The following WSB2 variants were observed in gnomAD, a reference collection of about 807,000 sequenced individuals.
WSB2 encodes the protein WD repeat and SOCS box-containing protein 2.
A neutral mutation model predicts 48.8 loss-of-function variants in WSB2; 12 were observed. That is an observed-to-expected ratio of 0.25 (90% confidence interval 0.16 to 0.40). The LOEUF (loss-of-function observed/expected upper bound fraction) is 0.40. Ranked by LOEUF, WSB2 falls within the 10% of genes least tolerant of loss-of-function variation. The probability of loss-of-function intolerance (pLI) is 1.00; values close to 1 mark genes in which losing one functional copy is unlikely to be tolerated. For missense variants in WSB2, 317 were observed against 506.2 expected (o/e 0.63, Z 3.59); for synonymous variants, 191 against 203.1 (o/e 0.94, Z 0.51).
intron 2 of WSB2, among the ~76,000 whole-genome samples, chr12:118,046,585 G>A (rs980377828): frequency 2.0e-5 from 3 of 152,004 alleles, no homozygotes; most frequent in East Asian, 3.8e-4. Context: ...ATGTCACTTC[G>A]ATCGGCTGCC....
Position 118,034,114 on chromosome 12 carries a change from A to C in WSB2, c.*82T>G. Reference sequence around the variant, plus strand: ...AGAAATGCTATTTCAATGCAAGACCAGATGTTTGGCCCATTATTCCAGCAA... The same window carrying C: ...AGAAATGCTATTTCAATGCAAGACCCGATGTTTGGCCCATTATTCCAGCAA... On this transcript the variant is annotated 3_prime_UTR_variant, in exon 9 of 9. Coordinates refer to ENST00000315436, the MANE Select transcript of WSB2 (RefSeq NM_018639.5). The C allele has an allele frequency of 6.4e-7, 1 of 1,552,072 alleles. No individual in the cohort carries two copies. Among genetic ancestry groups the C allele is most frequent in the East Asian group, 2.3e-5 (1 of 44,380 alleles).
In WSB2 at chr12:118,042,477, CAG is replaced by C. The variant is rs374370160; in HGVS notation, c.559+362_559+363del. 326 of 197,118 alleles carry C rather than the reference CAG, an allele frequency of 1.7e-3. 2 individuals are homozygous for C. Among genetic ancestry groups the C allele is most frequent in the African/African-American group, 6.8e-3 (288 of 42,240 alleles). The allele number at this position is 197,118 out of a possible 1,614,324, so 12.2% of individuals were successfully genotyped here. On this transcript the variant is annotated intron_variant, in intron 4 of 8. Coordinates refer to ENST00000315436, the MANE Select transcript of WSB2 (RefSeq NM_018639.5). ...CCTGTTCTAGATCAAATATTTTTAA[CAG>C]GGGCAATTCACCCCAAGAGGGTACA... is the stretch of plus-strand genomic sequence containing the variant.
intron 7 of WSB2, 41 bp from the exon 8 acceptor site, chr12:118,035,134 G>A (rs747772831): frequency 1.2e-6 from 2 of 1,613,050 alleles, no homozygotes; most frequent in Admixed American, 3.3e-5. Context: ...AGCTGACCCA[G>A]GGCCAGACCA....
upstream of WSB2, chr12:118,061,266 G>C: frequency 8.3e-6 from 7 of 846,684 alleles, no homozygotes; most frequent in South Asian, 5.3e-5. Flanking sequence ...GGATAAAAAC[G>C]GTGGGGGGCA....
chr12:118,043,318 C>G lies in WSB2; in HGVS notation c.242G>C (p.Gly81Ala), dbSNP rs1467073229. The change falls in exon 3 of 9, where the codon GGC (glycine) becomes GCC (alanine). Residue 81 changes from glycine (G) to alanine (A), a missense_variant. By Grantham distance (60) the Gly-to-Ala change is moderately conservative. Around this residue, in one of 2 missense-constraint regions of WSB2, gnomAD observed 128 missense variants for 156.7 expected, o/e 0.82. Transcript: ENST00000315436. ...RSSKNETKGR[G>A]SPKEKTLDCG... ...GTCCAGCGTCTTCTCTTTTGGGCTG[C>G]CCCGCCCTTTCGTCTCATTTTTGCT... 6.2e-7 allele frequency: 1 copy of G among 1,605,502 alleles called. No homozygotes were observed. Among genetic ancestry groups the G allele is most frequent in the Admixed American group, 1.7e-5 (1 of 58,340 alleles).
rs10558297 is a variant in WSB2 at position 118,032,696 on chromosome 12, C to CTATT, written c.*1496_*1499dup. ...CCAGCACCACACTAAGTTTTTTTGGCTATTTATTTATTTATTTTTTAAATA... is the reference window on the plus strand; with the variant it reads ...CCAGCACCACACTAAGTTTTTTTGGCTATTTATTTATTTATTTATTTTTTAAATA... On this transcript the variant is annotated 3_prime_UTR_variant, in exon 9 of 9. Coordinates refer to ENST00000315436, the MANE Select transcript of WSB2 (RefSeq NM_018639.5). 1 of 151,688 alleles carries CTATT rather than the reference C, an allele frequency of 6.6e-6. No individual in the cohort carries two copies. Among genetic ancestry groups the CTATT allele is most frequent in the African/African-American group, 2.4e-5 (1 of 41,166 alleles). 9.4% of individuals were successfully genotyped at this position (151,688 alleles called of 1,614,324 possible).
At chr12:118,038,580 A>G (rs1365138787) in intron 4 of WSB2, among the ~76,000 whole-genome samples, 192 bp from the exon 5 acceptor site, 2 of 152,212 alleles carry the variant, frequency 1.3e-5, no homozygotes, top group African/African-American at 2.4e-5. Flanking sequence ...CCTGTAATCT[A>G]TGAATATGAT....
chr12:118,038,152 G>T (rs894459687), intron 5 of WSB2, 136 bp downstream of exon 5: 3 of 677,178 alleles, frequency 4.4e-6, no homozygotes, highest in Non-Finnish European at 7.0e-6. Context: ...ACTTTTGCAG[G>T]TGGTGGCCAT....
chr12:118,061,014 G>T (rs1457771346), intron 1 of WSB2, 22 bp downstream of exon 1: 1 of 975,894 alleles, frequency 1.0e-6, no homozygotes, highest in Non-Finnish European at 1.2e-6. Flanking sequence ...GGGCGGGAAC[G>T]GGCGCGCCCG....
At chr12:118,056,196 T>G (rs1035150694) in intron 1 of WSB2, among the ~76,000 whole-genome samples, 2 of 152,148 alleles carry the variant, frequency 1.3e-5, no homozygotes, top group Non-Finnish European at 2.9e-5. Flanking sequence ...TGAACTTCCC[T>G]GGGCTTGTAC....
Position 118,038,353 on chromosome 12 carries a change from A to T in WSB2, c.595T>A (p.Trp199Arg). 1 of 1,614,118 alleles carries T rather than the reference A, an allele frequency of 6.2e-7. No homozygotes were observed. Among genetic ancestry groups the T allele is most frequent in the Non-Finnish European group, 8.5e-7 (1 of 1,180,014 alleles). Residue 199 changes from tryptophan (W) to arginine (R), a missense_variant, in exon 5 of 9, where the codon TGG becomes AGG. Physicochemically the swap from Trp to Arg is moderately radical, Grantham distance 101 (BLOSUM62 -3). Coordinates refer to ENST00000315436, the MANE Select transcript of WSB2 (RefSeq NM_018639.5). ...QIQVLSGHLQ[W>R]VYCCSISPDC... Reference sequence around the variant, plus strand: ...GGGGAGATGGAACAGCAGTAAACCCACTGCAGGTGGCCCGATAACACTTGA... The same window carrying T: ...GGGGAGATGGAACAGCAGTAAACCCTCTGCAGGTGGCCCGATAACACTTGA...
chr12:118,061,230 G>A (rs902865241), upstream of WSB2: 1 of 981,206 alleles, frequency 1.0e-6, no homozygotes, highest in Admixed American at 6.2e-5. Context: ...GCGGGGCGCA[G>A]GGGAAACGGA....
chr12:118,043,384 G>A lies in WSB2; in HGVS notation c.183-7C>T, dbSNP rs1292742413. 1 of 1,529,898 alleles carries A rather than the reference G, an allele frequency of 6.5e-7. No individual in the cohort carries two copies. Among genetic ancestry groups the A allele is most frequent in the African/African-American group, 1.4e-5 (1 of 71,946 alleles). The allele number at this position is 1,529,898 out of a possible 1,614,324, so 94.8% of individuals were successfully genotyped here. On this transcript the variant is annotated splice_polypyrimidine_tract_variant and splice_region_variant and intron_variant, in intron 2 of 8. Transcript: ENST00000315436. ...TTCAAACCCTTTAGGGATGCTGGGA[G>A]AAGCAGAGATTTCTTAATGAATCTG...
At chr12:118,047,761 A>C (rs916998101) in intron 2 of WSB2, among the ~76,000 whole-genome samples, 2 of 152,186 alleles carry the variant, frequency 1.3e-5, no homozygotes, top group Non-Finnish European at 1.5e-5. Flanking sequence ...TAATAAATAA[A>C]AATAGTAGCG....
chr12:118,033,986 T>C lies in WSB2; in HGVS notation c.*210A>G. The C allele has an allele frequency of 3.2e-6, 2 of 623,206 alleles. No homozygotes were observed. Among genetic ancestry groups the C allele is most frequent in the South Asian group, 4.3e-5 (2 of 47,046 alleles). The allele number at this position is 623,206 out of a possible 1,614,324, so 38.6% of individuals were successfully genotyped here. On this transcript the variant is annotated 3_prime_UTR_variant, in exon 9 of 9. Transcript: ENST00000315436. ...ACGTAAGGCTCTGTTGCCGTGCAAG[T>C]GGAATCTCTTCCTCTAAGACTGACT...
intron 2 of WSB2, among the ~76,000 whole-genome samples, chr12:118,051,185 G>T (rs920571795): frequency 6.6e-6 from 1 of 152,164 alleles, no homozygotes. Context: ...AATAAAAAAA[G>T]ACAGACAATA....
chr12:118,049,829 C>T (rs957610004), intron 2 of WSB2, among the ~76,000 whole-genome samples: 3 of 152,054 alleles, frequency 2.0e-5, no homozygotes, highest in Non-Finnish European at 4.4e-5. Flanking sequence ...GTCAACATTC[C>T]CTCTTATCAA....
chr12:118,055,607 CTTTTTTT>C (rs748354611), intron 1 of WSB2, among the ~76,000 whole-genome samples: 3 of 81,678 alleles, frequency 3.7e-5, no homozygotes, highest in Non-Finnish European at 6.3e-5. Flanking sequence ...CTACATTATC[CTTTTTTT>C]TTTTTTTTTT....
Position 118,034,088 on chromosome 12 carries a change from A to G in WSB2, c.*108T>C, listed in dbSNP as rs758988539. The G allele has an allele frequency of 6.9e-6, 10 of 1,442,416 alleles. No homozygotes were observed. The highest frequency in any genetic ancestry group is 5.6e-5 in the African/African-American group (4 of 71,112). The allele number at this position is 1,442,416 out of a possible 1,614,324, so 89.4% of individuals were successfully genotyped here. On this transcript the variant is annotated 3_prime_UTR_variant, in exon 9 of 9. Transcript: ENST00000315436. ...TTGCTACATTCTATTCACAATCCCA[A>G]AGAAATGCTATTTCAATGCAAGACC...
Sources: allele counts gnomAD v4.1 joint callset (sites outside exome capture counted in the v4.1 genomes callset), GRCh38; gene constraint gnomAD v4.1.1; regional missense constraint gnomAD v4.1.1; transcripts MANE v1.5; gene names NCBI Gene and HGNC (gene_info 2026-07-23, HGNC 2026-07-21).